Variants in PTPRK observed in about 807,000 individuals in gnomAD.
PTPRK encodes protein tyrosine phosphatase receptor type K, also known as receptor-type tyrosine-protein phosphatase kappa.
Under a neutral mutation model 178.0 loss-of-function variants are expected in PTPRK, and 75 were observed. That is an observed-to-expected ratio of 0.42 (90% CI 0.35 to 0.51). The LOEUF (loss-of-function observed/expected upper bound fraction) is 0.51, where lower values mean the gene tolerates loss of function less well. Among genes scored for constraint, PTPRK ranks in the 20% least tolerant of loss-of-function variants. The pLI is 0.02. For synonymous variants in PTPRK, 637 were observed against 620.6 expected, an observed-to-expected ratio of 1.03 and a Z score of -0.39; for missense variants, 1,441 against 1,797.8, an observed-to-expected ratio of 0.80 and a Z score of 3.59.
chr6:128,506,481 C>T (rs1370202567), intron 1 of PTPRK, among the ~76,000 whole-genome samples: 1 of 151,620 alleles, frequency 6.6e-6, no homozygotes, highest in African/African-American at 2.4e-5. Flanking sequence ...CATGGCAAGA[C>T]CCTGATCTCT....
At chr6:128,242,757 G>A (rs1403653103) in intron 3 of PTPRK, among the ~76,000 whole-genome samples, 155 bp from the exon 4 acceptor site, 2 of 152,094 alleles carry the variant, frequency 1.3e-5, no homozygotes, top group Admixed American at 6.6e-5. Flanking sequence ...CCTAACTCTT[G>A]TACAGGTAAA....
chr6:128,369,151 T>G (rs1835928722), intron 2 of PTPRK, among the ~76,000 whole-genome samples: 1 of 152,190 alleles, frequency 6.6e-6, no homozygotes, highest in Admixed American at 6.5e-5. Context: ...ATTTCCCCAT[T>G]ACTGTCCCAC....
At position 128,067,564 on chromosome 6, in the gene PTPRK, G is replaced by C; in HGVS notation, c.2112C>G (p.Arg704=). The change falls in exon 12 of 30, where the codon CGC becomes CGG. Residue 704 remains arginine (R), a synonymous_variant. Transcript: ENST00000368226. ...QGFWNPPLAP[R]KGYNIYFQAM... ...CCTGGAAATAGATGTTGTATCCTTT[G>C]CGCGGAGCCAAAGGAGGGTTCCAAA... is the stretch of plus-strand genomic sequence containing the variant. 6.2e-7 allele frequency: 1 copy of C among 1,609,388 alleles called. No homozygotes were observed. Among genetic ancestry groups the C allele is most frequent in the Non-Finnish European group, 8.5e-7 (1 of 1,176,886 alleles).
At chr6:128,453,918 T>C (rs186790970) in intron 1 of PTPRK, among the ~76,000 whole-genome samples, 1 of 152,276 alleles carries the variant, frequency 6.6e-6, no homozygotes, top group African/African-American at 2.4e-5. Context: ...GGTAACCAAA[T>C]AGCCCTGGCA....
chr6:128,460,879 T>C (rs1436681485), intron 1 of PTPRK, among the ~76,000 whole-genome samples: 1 of 152,206 alleles, frequency 6.6e-6, no homozygotes, highest in Non-Finnish European at 1.5e-5. Context: ...ATTTATATAT[T>C]TATTTTGAAG....
At chr6:128,341,424 A>G (rs907036285) in intron 2 of PTPRK, among the ~76,000 whole-genome samples, 2 of 152,214 alleles carry the variant, frequency 1.3e-5, no homozygotes, top group Admixed American at 1.3e-4. Flanking sequence ...TTTGTCACAC[A>G]CAATACCAAT....
chr6:128,330,353 C>A (rs1830106121), intron 2 of PTPRK, among the ~76,000 whole-genome samples: 1 of 152,012 alleles, frequency 6.6e-6, no homozygotes, highest in Non-Finnish European at 1.5e-5. Flanking sequence ...CTTTTCATTT[C>A]CTTTTTTCAA....
intron 1 of PTPRK, among the ~76,000 whole-genome samples, chr6:128,453,062 A>G (rs746167651): frequency 6.6e-6 from 1 of 152,206 alleles, no homozygotes; most frequent in Non-Finnish European, 1.5e-5. Context: ...AGGTATGTAA[A>G]TAACATTGTG....
chr6:128,431,501 T>A (rs1332149444), intron 1 of PTPRK, among the ~76,000 whole-genome samples: 1 of 151,476 alleles, frequency 6.6e-6, no homozygotes, highest in Admixed American at 6.6e-5. Flanking sequence ...GAAATCAATT[T>A]AAAAAAAAAT....
In PTPRK at chr6:128,462,406, CTAA is replaced by C. The variant is rs1283384446; in HGVS notation, c.100+57850_100+57852del. ...CTTCAATATGTAAATAATATAAAAA[CTAA>C]TGAGATAGTAACACTCTTTTGTTCT... On this transcript the variant is annotated intron_variant, in intron 1 of 29. Coordinates refer to ENST00000368226, the MANE Select transcript of PTPRK (RefSeq NM_002844.4). Among the ~76,000 whole-genome samples the C allele has an allele frequency of 2.6e-5, 4 of 151,734 alleles. No individual in the cohort carries two copies. The East Asian group carries it at 7.7e-4, about 29-fold the overall frequency.
chr6:128,397,773 T>C, intron 1 of PTPRK, 85 bp from the exon 2 acceptor site: 1 of 1,338,116 alleles, frequency 7.5e-7, no homozygotes, highest in African/African-American at 1.5e-5. Flanking sequence ...GTTATATTGA[T>C]ATATATAATG....
chr6:128,171,121 A>C (rs1169012586), intron 7 of PTPRK, among the ~76,000 whole-genome samples: 1 of 151,968 alleles, frequency 6.6e-6, no homozygotes, highest in Non-Finnish European at 1.5e-5. Context: ...GTCTAGGTGG[A>C]GTAGAGAGAA....
At chr6:128,119,677 A>G (rs938984767) in intron 7 of PTPRK, among the ~76,000 whole-genome samples, 2 of 152,068 alleles carry the variant, frequency 1.3e-5, no homozygotes, top group South Asian at 2.1e-4. Context: ...AGGTTTCTCA[A>G]TCATGGTTAC....
At chr6:128,197,803 A>G (rs1307109056) in intron 6 of PTPRK, among the ~76,000 whole-genome samples, 3 of 152,074 alleles carry the variant, frequency 2.0e-5, no homozygotes, top group East Asian at 3.9e-4. Flanking sequence ...AGTCACTGCA[A>G]TGGTCTGAAA....
intron 1 of PTPRK, among the ~76,000 whole-genome samples, chr6:128,511,098 T>C (rs763131124): frequency 6.6e-6 from 1 of 152,122 alleles, no homozygotes; most frequent in Non-Finnish European, 1.5e-5. Flanking sequence ...ATAATATAAA[T>C]TCATGCTTTA....
At chr6:128,493,591 T>TAC (rs59656384) in intron 1 of PTPRK, among the ~76,000 whole-genome samples, 4,660 of 123,808 alleles carry the variant, frequency 0.038, 106 homozygotes, top group East Asian at 0.062. Context: ...TCCCGCCCCC[T>TAC]ACACACACAC....
intron 13 of PTPRK, among the ~76,000 whole-genome samples, chr6:128,013,067 AT>A (rs1284686661): frequency 1.3e-5 from 2 of 151,282 alleles, no homozygotes; most frequent in Non-Finnish European, 3.0e-5. Flanking sequence ...TCTGAATTCA[AT>A]GTGTACTTTT....
At chr6:128,510,557 T>C (rs971759291) in intron 1 of PTPRK, among the ~76,000 whole-genome samples, 1 of 152,218 alleles carries the variant, frequency 6.6e-6, no homozygotes, top group Non-Finnish European at 1.5e-5. Flanking sequence ...TGTGTCAATA[T>C]CATTTACCAC....
chr6:128,359,815 A>T (rs1209135763), intron 2 of PTPRK, among the ~76,000 whole-genome samples: 1 of 152,150 alleles, frequency 6.6e-6, no homozygotes, highest in Non-Finnish European at 1.5e-5. Context: ...ACATCTGTGA[A>T]AGAGCGTTTG....
Sources: gnomAD v4.1 joint callset for allele counts (sites outside exome capture counted in the v4.1 genomes callset) on GRCh38, gnomAD v4.1.1 for gene constraint, MANE v1.5 for transcripts, NCBI Gene and HGNC (gene_info 2026-07-23, HGNC 2026-07-21) for gene names.